The following NCAM1 variants were observed in gnomAD, a reference collection of about 807,000 sequenced individuals.
The protein encoded by NCAM1 is antigen recognized by monoclonal antibody 5.1H11.
NCAM1 carries 14 observed loss-of-function variants against 109.8 expected under a neutral mutation model. The ratio of observed to expected loss-of-function variants is 0.13; its 90% CI spans 0.08 to 0.20. The LOEUF is 0.20. Among genes scored for constraint, NCAM1 ranks in the 10% least tolerant of loss-of-function variants. NCAM1 has a pLI of 1.00. For missense variants in NCAM1, 774 were observed against 1,109.9 expected (o/e 0.70, Z 4.30); for synonymous variants, 418 against 442.9 (o/e 0.94, Z 0.70).
chr11:113,051,065 G>T (rs1555081733), intron 1 of NCAM1, among the ~76,000 whole-genome samples: 1 of 152,136 alleles, frequency 6.6e-6, no homozygotes, highest in Non-Finnish European at 1.5e-5. Context: ...TAGCTTTGGG[G>T]TCCTTTTGAA....
intron 1 of NCAM1, among the ~76,000 whole-genome samples, chr11:113,025,469 T>C (rs782067044): frequency 6.6e-6 from 1 of 152,224 alleles, no homozygotes; most frequent in Non-Finnish European, 1.5e-5. Flanking sequence ...GTTATTCTGA[T>C]TGGAGGAGAC....
At chr11:112,975,623 A>G (rs1280693983) in intron 1 of NCAM1, among the ~76,000 whole-genome samples, 1 of 151,980 alleles carries the variant, frequency 6.6e-6, no homozygotes, top group Non-Finnish European at 1.5e-5. Context: ...AAAGAAAACC[A>G]TCTGTCATAA....
chr11:113,043,579 G>T (rs1398996157), intron 1 of NCAM1, among the ~76,000 whole-genome samples: 2 of 152,086 alleles, frequency 1.3e-5, no homozygotes, highest in African/African-American at 4.8e-5. Flanking sequence ...TAGGTGATCT[G>T]CCCGTCTCGG....
At position 112,962,965 on chromosome 11, in the gene NCAM1, C is replaced by A. The variant is rs1950611405; in HGVS notation, c.52+1301C>A. 6.6e-6 allele frequency among the ~76,000 whole-genome samples: 1 copy of A among 151,928 alleles called. No individual in the cohort carries two copies. The highest frequency in any genetic ancestry group is 2.4e-5 in the African/African-American group (1 of 41,380). ...GTACCGTTGTACCTGCCCTGGACGG[C>A]CGACCCCCGGTTGGGGAGCGCACGG... On this transcript the variant is annotated intron_variant, in intron 1 of 19. Transcript: ENST00000316851. This position sits in a 1 kb window ranked among gnomAD's most constrained non-coding sequence, Gnocchi z 5.6.
intron 1 of NCAM1, among the ~76,000 whole-genome samples, chr11:112,973,344 C>T (rs73002360): frequency 2.6e-5 from 4 of 152,202 alleles, no homozygotes; most frequent in Non-Finnish European, 5.9e-5. Flanking sequence ...TTACAGTACT[C>T]CATAAAGGTG....
At chr11:113,236,349 C>T in intron 14 of NCAM1, 2 of 1,607,208 alleles carry the variant, frequency 1.2e-6, no homozygotes, top group East Asian at 2.2e-5. Context: ...TACCTGTTTC[C>T]ATAGCGTTAA....
intron 1 of NCAM1, among the ~76,000 whole-genome samples, chr11:113,166,602 G>A (rs1331896148): frequency 6.6e-6 from 1 of 152,192 alleles, no homozygotes; most frequent in Non-Finnish European, 1.5e-5. Context: ...AAATATTGGT[G>A]GGAGATGTTA....
chr11:113,205,305 AT>A (rs1238510991), intron 3 of NCAM1, among the ~76,000 whole-genome samples: 8 of 152,124 alleles, frequency 5.3e-5, no homozygotes, highest in African/African-American at 1.9e-4. Flanking sequence ...AATGTGATAA[AT>A]TTAGCACTCA....
chr11:112,989,260 G>T (rs1473497336), intron 1 of NCAM1, among the ~76,000 whole-genome samples: 1 of 151,932 alleles, frequency 6.6e-6, no homozygotes, highest in Non-Finnish European at 1.5e-5. Flanking sequence ...ATGCTTGGTG[G>T]TGTCCCATAG....
chr11:113,232,599 A>G, intron 11 of NCAM1, 119 bp from the exon 12 acceptor site: 1 of 885,416 alleles, frequency 1.1e-6, no homozygotes, highest in African/African-American at 1.7e-5. Context: ...GCTGGGCTGG[A>G]GCTAATGATT....
chr11:113,226,992 T>A (rs1252948495), intron 9 of NCAM1, among the ~76,000 whole-genome samples: 1 of 151,486 alleles, frequency 6.6e-6, no homozygotes, highest in African/African-American at 2.4e-5. Context: ...AGATCTAAAA[T>A]TGACACCCTA....
At position 113,060,229 on chromosome 11, in the gene NCAM1, G is replaced by A. The variant is rs75094562; in HGVS notation, c.52+98565G>A. Among the ~76,000 whole-genome samples the A allele has an allele frequency of 6.6e-5, 10 of 152,224 alleles. No homozygotes were observed. In the East Asian group the frequency reaches 9.7e-4, roughly 15 times the overall value. On this transcript the variant is annotated intron_variant, in intron 1 of 19. Coordinates refer to ENST00000316851, the MANE Select transcript of NCAM1 (RefSeq NM_181351.5). ...TGATGCTTGTCCTTTCTGCTTTTGCGACATCATGGTTTATGATACCATAGT... is the reference window on the plus strand; with the variant it reads ...TGATGCTTGTCCTTTCTGCTTTTGCAACATCATGGTTTATGATACCATAGT...
At chr11:113,272,384 G>A (rs1021995631) in intron 19 of NCAM1, among the ~76,000 whole-genome samples, 2 of 152,238 alleles carry the variant, frequency 1.3e-5, no homozygotes, top group South Asian at 4.2e-4. Flanking sequence ...GGGCTTAAAG[G>A]GAATGGAGTT....
At chr11:113,264,371 G>A in intron 17 of NCAM1, 1 of 985,438 alleles carries the variant, frequency 1.0e-6, no homozygotes, top group Middle Eastern at 5.2e-4. Flanking sequence ...CCAGCGCTCA[G>A]TTTAGAGGCT....
chr11:113,008,759 G>A (rs556538518), intron 1 of NCAM1, among the ~76,000 whole-genome samples: 1 of 152,288 alleles, frequency 6.6e-6, no homozygotes, highest in South Asian at 2.1e-4. Flanking sequence ...GAAAGAAAGG[G>A]AACCAAACAT....
chr11:113,087,141 G>A (rs1555088441), intron 1 of NCAM1, among the ~76,000 whole-genome samples: 1 of 152,190 alleles, frequency 6.6e-6, no homozygotes, highest in Non-Finnish European at 1.5e-5. Context: ...TCTTTCGTGA[G>A]GTGGTCTTTC....
chr11:113,027,402 T>A (rs1052039979), intron 1 of NCAM1, among the ~76,000 whole-genome samples: 23 of 152,360 alleles, frequency 1.5e-4, no homozygotes, highest in African/African-American at 5.3e-4. Flanking sequence ...AATGGTGCTT[T>A]GCATGTGAAG....
chr11:113,119,777 C>T lies in NCAM1; in HGVS notation c.53-82602C>T, dbSNP rs148782062. On this transcript the variant is annotated intron_variant, in intron 1 of 19. Coordinates refer to ENST00000316851, the MANE Select transcript of NCAM1 (RefSeq NM_181351.5). ...AGCATGTCTCCTCTCTGTGCCTACA[C>T]GTTGAAATTTTCCTATAAAATACTA... Among the ~76,000 whole-genome samples the T allele has an allele frequency of 5.2e-4, 79 of 152,144 alleles. 1 individual carries two copies. Among genetic ancestry groups the T allele is most frequent in the East Asian group, 1.9e-3 (10 of 5,174 alleles).
chr11:113,121,160 C>T (rs1555095956), intron 1 of NCAM1, among the ~76,000 whole-genome samples: 1 of 150,500 alleles, frequency 6.6e-6, no homozygotes, highest in Non-Finnish European at 1.5e-5. Context: ...GGGTGGCCTC[C>T]TTAGTTCAGC....
Sources: allele counts gnomAD v4.1 joint callset (sites outside exome capture counted in the v4.1 genomes callset), GRCh38; gene constraint gnomAD v4.1.1; non-coding constraint Gnocchi (gnomAD v3.1); transcripts MANE v1.5; gene names NCBI Gene and HGNC (gene_info 2026-07-23, HGNC 2026-07-21).